The following NIPSNAP3B variants were observed in gnomAD, a reference collection of about 807,000 sequenced individuals.
NIPSNAP3B encodes the protein nipsnap homolog 3B.
A neutral mutation model predicts 31.5 loss-of-function variants in NIPSNAP3B; 30 were observed. The ratio of observed to expected loss-of-function variants is 0.95; its 90% CI spans 0.71 to 1.29. The LOEUF (loss-of-function observed/expected upper bound fraction) is 1.29, where lower values mean the gene tolerates loss of function less well. Among genes scored for constraint, NIPSNAP3B ranks in the 50% most tolerant of loss-of-function variants. The pLI, the probability that NIPSNAP3B is intolerant of heterozygous loss-of-function variation, is 0.00. For synonymous variants in NIPSNAP3B, 106 were observed against 107.9 expected (o/e 0.98, Z 0.11); for missense variants, 269 against 300.7 (o/e 0.89, Z 0.78).
chr9:104,766,060 C>T (rs1828083948), intron 1 of NIPSNAP3B, among the ~76,000 whole-genome samples: 1 of 152,212 alleles, frequency 6.6e-6, no homozygotes, highest in South Asian at 2.1e-4. Context: ...TATGATCCCA[C>T]AGCCTTCTTG....
At chr9:104,787,054 C>T in the NIPSNAP3B span, 249 of 1,293,198 alleles carry the variant, frequency 1.9e-4, no homozygotes, top group Middle Eastern at 5.6e-4. Flanking sequence ...AATGCAGAAG[C>T]ATCTTTGAAA....
chr9:104,772,499 A>T lies in NIPSNAP3B; in HGVS notation c.581-323A>T, dbSNP rs566462331. 2.0e-5 allele frequency among the ~76,000 whole-genome samples: 3 copies of T among 152,130 alleles called. No homozygotes were observed. In the South Asian group the frequency reaches 6.2e-4, roughly 32 times the overall value. ...TTTTATTTTTTCTTTGTATCACCTAAATTTTCTACAGTAAACAATTTTTTA... is the reference window on the plus strand; with the variant it reads ...TTTTATTTTTTCTTTGTATCACCTATATTTTCTACAGTAAACAATTTTTTA... On this transcript the variant is annotated intron_variant, in intron 4 of 5. Transcript: ENST00000374762.
rs1588172058 is a variant in NIPSNAP3B, at chr9:104,777,066, C to T, written c.*3993C>T. The T allele has an allele frequency of 6.6e-6, 1 of 152,110 alleles. No individual in the cohort carries two copies. Among genetic ancestry groups the T allele is most frequent in the Admixed American group, 6.5e-5 (1 of 15,280 alleles). 9.4% of individuals were successfully genotyped at this position (152,110 alleles called of 1,614,324 possible). Reference sequence around the variant, plus strand: ...TGCCATCAATAAATAAAAATAATACCATTGTCTGTTGGTTATAAGTTGCTG... The same window carrying T: ...TGCCATCAATAAATAAAAATAATACTATTGTCTGTTGGTTATAAGTTGCTG... On this transcript the variant is annotated 3_prime_UTR_variant, in exon 6 of 6. Transcript: ENST00000374762.
In NIPSNAP3B at chr9:104,777,365, GA is replaced by G. The variant is rs1554693040; in HGVS notation, c.*4293del. ...GTTGGAAGAAGTGTTAGGTTCATTA[GA>G]GACACCTCTTTCATAACTGCTGTCA... is the stretch of plus-strand genomic sequence containing the variant. On this transcript the variant is annotated 3_prime_UTR_variant, in exon 6 of 6. Coordinates refer to ENST00000374762, the MANE Select transcript of NIPSNAP3B (RefSeq NM_018376.4). The G allele has an allele frequency of 6.6e-6, 1 of 152,208 alleles. No homozygotes were observed. The highest frequency in any genetic ancestry group is 1.5e-5 in the Non-Finnish European group (1 of 68,034). The allele number at this position is 152,208 out of a possible 1,614,324, so 9.4% of individuals were successfully genotyped here. A position where few individuals can be genotyped will look rare whatever the true frequency, so the allele number is the denominator to read the frequency against.
At chr9:104,783,887 G>A in the NIPSNAP3B span, 1 of 175,148 alleles carries the variant, frequency 5.7e-6, no homozygotes, top group African/African-American at 2.4e-5. Context: ...GGCATGGCAT[G>A]GCTTAGTGAA....
At chr9:104,771,818 T>C (rs896098148) in intron 4 of NIPSNAP3B, among the ~76,000 whole-genome samples, 3 of 152,230 alleles carry the variant, frequency 2.0e-5, no homozygotes, top group Non-Finnish European at 2.9e-5. Flanking sequence ...CTTTCCATAA[T>C]GGTTGAACTA....
downstream of NIPSNAP3B, chr9:104,781,813 A>C (rs963823410): frequency 2.6e-5 from 4 of 152,622 alleles, no homozygotes; most frequent in Non-Finnish European, 5.9e-5. Context: ...ACATAGGTAC[A>C]TTCCACAGGG....
chr9:104,778,092 T>C (rs1291761322), downstream of NIPSNAP3B, among the ~76,000 whole-genome samples: 1 of 152,090 alleles, frequency 6.6e-6, no homozygotes, highest in African/African-American at 2.4e-5. Flanking sequence ...TCTCTCTCAC[T>C]GGCCAGTCCC....
intron 4 of NIPSNAP3B, among the ~76,000 whole-genome samples, 197 bp from the exon 5 acceptor site, chr9:104,772,625 A>G (rs2487718): frequency 0.68 from 103,770 of 151,958 alleles, 37,556 homozygotes; most frequent in Admixed American, 0.81. Flanking sequence ...TTCTCTCTTC[A>G]GCCTTATGTT....
chr9:104,776,231 C>T lies in NIPSNAP3B; in HGVS notation c.*3158C>T, dbSNP rs1054843052. Among the ~76,000 whole-genome samples the T allele has an allele frequency of 6.6e-6, 1 of 152,174 alleles. No homozygotes were observed. The highest frequency in any genetic ancestry group is 1.5e-5 in the Non-Finnish European group (1 of 68,036). On this transcript the variant is annotated 3_prime_UTR_variant, in exon 6 of 6. Coordinates refer to ENST00000374762, the MANE Select transcript of NIPSNAP3B (RefSeq NM_018376.4). ...ACATGCTCTTACCTGAGGGTCCATT[C>T]CCACTGCCTCTGCCTGGAATGCTCT...
intron 1 of NIPSNAP3B, among the ~76,000 whole-genome samples, chr9:104,764,706 A>C (rs1564056105): frequency 6.6e-6 from 1 of 151,684 alleles, no homozygotes; most frequent in African/African-American, 2.4e-5. Context: ...CGCCCGGCTA[A>C]TTTTTTTTGT....
At chr9:104,768,842 T>C in intron 2 of NIPSNAP3B, 21 bp from the exon 3 acceptor site, 1 of 1,583,794 alleles carries the variant, frequency 6.3e-7, no homozygotes. Flanking sequence ...AAACATTTTC[T>C]TAACTATTTT....
chr9:104,766,706 C>T (rs1828097972), intron 2 of NIPSNAP3B, among the ~76,000 whole-genome samples, 171 bp downstream of exon 2: 1 of 152,074 alleles, frequency 6.6e-6, no homozygotes, highest in African/African-American at 2.4e-5. Context: ...AGTGGTACAC[C>T]TCTAACCACC....
downstream of NIPSNAP3B, among the ~76,000 whole-genome samples, chr9:104,780,159 T>C (rs1046331483): frequency 6.6e-6 from 1 of 152,260 alleles, no homozygotes; most frequent in African/African-American, 2.4e-5. Context: ...CAGTGTTCTA[T>C]GATTTCATTA....
At chr9:104,764,385 C>T (rs370708793) in intron 1 of NIPSNAP3B, 85 bp downstream of exon 1, 6 of 1,204,500 alleles carry the variant, frequency 5.0e-6, no homozygotes, top group African/African-American at 3.2e-5. Context: ...GAGCCACGCT[C>T]AGGCGCTCCC....
At chr9:104,787,938 C>T in the NIPSNAP3B span, 1 of 1,613,986 alleles carries the variant, frequency 6.2e-7, no homozygotes, top group East Asian at 2.2e-5. Flanking sequence ...CCACAGGAGG[C>T]CCGCCGATCA....
chr9:104,778,238 C>CAT (rs1564061956), downstream of NIPSNAP3B, among the ~76,000 whole-genome samples: 1 of 149,230 alleles, frequency 6.7e-6, no homozygotes, highest in East Asian at 2.0e-4. Context: ...AACTTGCACA[C>CAT]TTTTTTTTTT....
chr9:104,778,925 T>C (rs2118816763), downstream of NIPSNAP3B, among the ~76,000 whole-genome samples: 1 of 152,342 alleles, frequency 6.6e-6, no homozygotes, highest in East Asian at 1.9e-4. Context: ...GGCGAGATCC[T>C]GTGAGATGTG....
At chr9:104,767,337 C>A (rs1445239790) in intron 2 of NIPSNAP3B, among the ~76,000 whole-genome samples, 1 of 152,100 alleles carries the variant, frequency 6.6e-6, no homozygotes, top group African/African-American at 2.4e-5. Flanking sequence ...CATATTGAAG[C>A]TGACCTACCC....
Sources: gnomAD v4.1 joint callset for allele counts (sites outside exome capture counted in the v4.1 genomes callset) on GRCh38, gnomAD v4.1.1 for gene constraint, MANE v1.5 for transcripts, NCBI Gene and HGNC (gene_info 2026-07-23, HGNC 2026-07-21) for gene names.